DCT: variants seen among roughly 807,000 people sequenced by gnomAD.
DCT encodes the protein L-dopachrome tautomerase.
A neutral mutation model predicts 53.0 loss-of-function variants in DCT; 47 were observed. The observed-to-expected ratio is 0.89, with a 90% CI of 0.70 to 1.13. The LOEUF (loss-of-function observed/expected upper bound fraction) is 1.13, where lower values mean the gene tolerates loss of function less well. Ranked by LOEUF, DCT falls within the 50% of genes most tolerant of loss-of-function variation. The probability of loss-of-function intolerance (pLI) is 0.00; values close to 1 mark genes in which losing one functional copy is unlikely to be tolerated. For synonymous variants in DCT, 244 were observed against 237.0 expected (o/e 1.03, Z -0.27); for missense variants, 669 against 637.4 (o/e 1.05, Z -0.53).
At chr13:94,475,101 T>C (rs1884986500) in intron 1 of DCT, among the ~76,000 whole-genome samples, 1 of 152,210 alleles carries the variant, frequency 6.6e-6, no homozygotes, top group East Asian at 1.9e-4. Context: ...CCACAAACCA[T>C]AAAAAAGCTA....
chr13:94,487,714 T>G, the DCT span, among the ~76,000 whole-genome samples: 1 of 152,134 alleles, frequency 6.6e-6, no homozygotes, highest in South Asian at 2.1e-4. Flanking sequence ...ATCCTCCCCG[T>G]TTTTTAGCCC....
At chr13:94,446,404 A>G (rs1318409741) in intron 6 of DCT, among the ~76,000 whole-genome samples, 1 of 152,186 alleles carries the variant, frequency 6.6e-6, no homozygotes, top group Non-Finnish European at 1.5e-5. Context: ...CTCTGAAATC[A>G]CACACACTGT....
the DCT span, among the ~76,000 whole-genome samples, chr13:94,506,113 T>C: frequency 6.6e-6 from 1 of 152,222 alleles, no homozygotes; most frequent in African/African-American, 2.4e-5. Context: ...ATAACTAATA[T>C]ACTTGATATT....
At chr13:94,535,764 C>A in the DCT span, among the ~76,000 whole-genome samples, 19 of 152,184 alleles carry the variant, frequency 1.2e-4, no homozygotes, top group African/African-American at 4.3e-4. Flanking sequence ...ATAGTTGGAG[C>A]AAAGACAGAA....
chr13:94,533,572 G>A, the DCT span, among the ~76,000 whole-genome samples: 3 of 152,254 alleles, frequency 2.0e-5, no homozygotes, highest in South Asian at 6.2e-4. Context: ...ATCACTTGAG[G>A]TCAGGAGTTC....
At position 94,479,281 on chromosome 13, in the gene DCT, C is replaced by T. The variant is rs1277612942; in HGVS notation, c.-26G>A. 4 of 1,524,550 alleles carry T rather than the reference C, an allele frequency of 2.6e-6. No individual in the cohort carries two copies. The highest frequency in any genetic ancestry group is 4.1e-5 in the Admixed American group (2 of 49,094). The allele number at this position is 1,524,550 out of a possible 1,614,324, so 94.4% of individuals were successfully genotyped here. The stretch of plus-strand genomic sequence containing the variant: ...GGCTTTATAATTGGGAGAGCTCTCT[C>T]TCTCTCTTACTTTCCTTGTCTCTGT... On this transcript the variant is annotated 5_prime_UTR_variant, in exon 1 of 8. Transcript: ENST00000377028.
At chr13:94,489,049 A>C in the DCT span, among the ~76,000 whole-genome samples, 1 of 152,130 alleles carries the variant, frequency 6.6e-6, no homozygotes, top group South Asian at 2.1e-4. Context: ...GTGTAGAATA[A>C]ACACAAGAAA....
At chr13:94,483,948 T>C (rs950835412), upstream of DCT, among the ~76,000 whole-genome samples, 2 of 152,244 alleles carry the variant, frequency 1.3e-5, no homozygotes, top group Non-Finnish European at 2.9e-5. Context: ...GAAAAAGAAT[T>C]ACCTTGTAAG....
intron 7 of DCT, among the ~76,000 whole-genome samples, chr13:94,441,816 A>G (rs1311305693): frequency 6.6e-6 from 1 of 152,212 alleles, no homozygotes; most frequent in Non-Finnish European, 1.5e-5. Flanking sequence ...ATGGGTGTGC[A>G]AATATCTCTG....
chr13:94,444,595 AGTCC>A (rs557287407), intron 6 of DCT, among the ~76,000 whole-genome samples: 291 of 152,334 alleles, frequency 1.9e-3, no homozygotes, highest in African/African-American at 6.7e-3. Context: ...TTGAGAGTTC[AGTCC>A]CACCTTGATG....
At chr13:94,474,647 C>G (rs1255468723) in intron 1 of DCT, among the ~76,000 whole-genome samples, 1 of 152,204 alleles carries the variant, frequency 6.6e-6, no homozygotes, top group East Asian at 1.9e-4. Flanking sequence ...ATAAAGCCAA[C>G]TGGCAGGTAA....
the DCT span, among the ~76,000 whole-genome samples, chr13:94,487,480 G>T: frequency 1.3e-5 from 2 of 152,154 alleles, no homozygotes; most frequent in African/African-American, 4.8e-5. Flanking sequence ...GATGATGCAG[G>T]GCAGACATGC....
At chr13:94,444,705 G>T (rs1007279341) in intron 6 of DCT, among the ~76,000 whole-genome samples, 2 of 152,138 alleles carry the variant, frequency 1.3e-5, no homozygotes, top group African/African-American at 4.8e-5. Flanking sequence ...CCCAGAGCTT[G>T]TCACCCCAGG....
the DCT span, among the ~76,000 whole-genome samples, chr13:94,545,906 C>T: frequency 6.6e-6 from 1 of 152,018 alleles, no homozygotes; most frequent in Non-Finnish European, 1.5e-5. Flanking sequence ...CCTCCTCACA[C>T]TTCTAATGAC....
chr13:94,468,040 A>T (rs891912030), intron 2 of DCT: 3 of 152,262 alleles, frequency 2.0e-5, no homozygotes, highest in African/African-American at 7.2e-5. Context: ...CCCAGCCCCC[A>T]ATTTTTAAGA....
the DCT span, among the ~76,000 whole-genome samples, chr13:94,512,890 T>C: frequency 6.6e-6 from 1 of 152,226 alleles, no homozygotes; most frequent in Non-Finnish European, 1.5e-5. Flanking sequence ...TGGATCATTG[T>C]AGCCAGAGGA....
chr13:94,469,004 A>C lies in DCT; in HGVS notation c.337T>G (p.Trp113Gly), dbSNP rs1269817722. 2 of 1,614,066 alleles carry C rather than the reference A, an allele frequency of 1.2e-6. No individual in the cohort carries two copies. Among genetic ancestry groups the C allele is most frequent in the South Asian group, 2.2e-5 (2 of 91,084 alleles). The change falls in exon 2 of 8, where the codon TGG becomes GGG. Residue 113 changes from tryptophan (W) to glycine (G), a missense_variant. Coordinates refer to ENST00000377028, the MANE Select transcript of DCT (RefSeq NM_001922.5). ...GYNCGDCKFG[W>G]TGPNCERKKP... ...TTCCGCTCGCAGTTGGGACCGGTCC[A>C]GCCAAACTTGCAGTCTCCACAATTA...
chr13:94,526,469 C>T, the DCT span, among the ~76,000 whole-genome samples: 1 of 152,106 alleles, frequency 6.6e-6, no homozygotes. Flanking sequence ...ACCCCTATCT[C>T]TACAAAACAT....
chr13:94,472,558 ATATATATATATTTTTTTTTTTTTTTT>A (rs1566855362), intron 1 of DCT, among the ~76,000 whole-genome samples: 30 of 24,382 alleles, frequency 1.2e-3, no homozygotes, highest in Non-Finnish European at 1.5e-3. Flanking sequence ...ATATATATAT[ATATATATATATTTTTTTTTTTTTTTT>A]TTTTTTTTTT....
Sources: gnomAD v4.1 joint callset for allele counts (sites outside exome capture counted in the v4.1 genomes callset) on GRCh38, gnomAD v4.1.1 for gene constraint, MANE v1.5 for transcripts, NCBI Gene and HGNC (gene_info 2026-07-23, HGNC 2026-07-21) for gene names.